Variants in PCDH15 observed in about 807,000 individuals in gnomAD.
The protein encoded by PCDH15 is protocadherin-15.
PCDH15 carries 129 observed loss-of-function variants against 178.5 expected under a neutral mutation model. The ratio of observed to expected loss-of-function variants is 0.72; its 90% CI spans 0.63 to 0.84. The LOEUF is 0.84. Ranked by LOEUF, PCDH15 falls within the 40% of genes least tolerant of loss-of-function variation. The probability of loss-of-function intolerance (pLI) is 0.00; values close to 1 mark genes in which losing one functional copy is unlikely to be tolerated. For missense variants in PCDH15, 2,230 were observed against 2,099.9 expected, an observed-to-expected ratio of 1.06 and a Z score of -1.21; for synonymous variants, 800 against 732.0, an observed-to-expected ratio of 1.09 and a Z score of -1.50.
intron 3 of PCDH15, among the ~76,000 whole-genome samples, chr10:54,472,339 G>A (rs946199557): frequency 2.6e-5 from 4 of 151,710 alleles, no homozygotes; most frequent in Non-Finnish European, 4.4e-5. Context: ...TTAGTCAGTG[G>A]GAATTAGGTT....
intron 2 of PCDH15, among the ~76,000 whole-genome samples, chr10:54,901,988 A>G (rs1447264113): frequency 2.9e-5 from 2 of 69,018 alleles, no homozygotes; most frequent in African/African-American, 1.3e-4. Context: ...ATTCATATTG[A>G]TACATTCCAT....
At chr10:54,626,852 C>A (rs865838869) in intron 2 of PCDH15, among the ~76,000 whole-genome samples, 1 of 152,134 alleles carries the variant, frequency 6.6e-6, no homozygotes, top group African/African-American at 2.4e-5. Context: ...CAATACCAGC[C>A]CATGAAAGCA....
At chr10:53,827,075 CATTATATATAT>C (rs1310956959) in intron 32 of PCDH15, among the ~76,000 whole-genome samples, 4 of 151,408 alleles carry the variant, frequency 2.6e-5, no homozygotes, top group Non-Finnish European at 2.9e-5. Flanking sequence ...TATACATATA[CATTATATATAT>C]GTAAAAATGC....
intron 2 of PCDH15, among the ~76,000 whole-genome samples, chr10:55,052,281 G>C (rs1338436405): frequency 6.6e-6 from 1 of 151,224 alleles, no homozygotes; most frequent in African/African-American, 2.4e-5. Flanking sequence ...TAGTAGAGAC[G>C]GGATTTCACC....
intron 2 of PCDH15, among the ~76,000 whole-genome samples, chr10:54,652,699 G>A (rs2094289891): frequency 6.6e-6 from 1 of 152,150 alleles, no homozygotes; most frequent in African/African-American, 2.4e-5. Flanking sequence ...AATGTGAAGA[G>A]GCAGCAAGAG....
At chr10:54,166,623 C>T (rs1590903091) in intron 13 of PCDH15, among the ~76,000 whole-genome samples, 1 of 152,168 alleles carries the variant, frequency 6.6e-6, no homozygotes, top group East Asian at 1.9e-4. Flanking sequence ...TGAAATATCT[C>T]AATACCCAAC....
chr10:55,079,020 T>G (rs1383124367), intron 2 of PCDH15, among the ~76,000 whole-genome samples: 1 of 152,162 alleles, frequency 6.6e-6, no homozygotes, highest in Non-Finnish European at 1.5e-5. Flanking sequence ...TTCTTTGTAT[T>G]GTTTTTCAGA....
At chr10:54,754,536 A>G (rs1425312670) in intron 1 of PCDH15, among the ~76,000 whole-genome samples, 7 of 152,190 alleles carry the variant, frequency 4.6e-5, no homozygotes, top group Admixed American at 4.6e-4. Flanking sequence ...TTTTTGTATC[A>G]ATTTTTGATT....
At chr10:54,084,307 A>G (rs766248132) in intron 16 of PCDH15, among the ~76,000 whole-genome samples, 5 of 151,438 alleles carry the variant, frequency 3.3e-5, no homozygotes, top group African/African-American at 1.2e-4. Flanking sequence ...CCCCATCTCT[A>G]CTAAAAATAC....
chr10:54,240,165 C>A (rs1227161642), intron 8 of PCDH15, among the ~76,000 whole-genome samples: 3 of 151,890 alleles, frequency 2.0e-5, no homozygotes, highest in African/African-American at 7.3e-5. Context: ...TTCATATAAG[C>A]AAGAACAACC....
intron 2 of PCDH15, among the ~76,000 whole-genome samples, chr10:54,933,785 T>C (rs1001800262): frequency 2.6e-5 from 4 of 152,288 alleles, no homozygotes; most frequent in Middle Eastern, 3.4e-3. Context: ...AAAACTGCTA[T>C]TATACTGTGG....
chr10:54,345,280 AATAG>A (rs1943054218), intron 6 of PCDH15, among the ~76,000 whole-genome samples: 1 of 152,102 alleles, frequency 6.6e-6, no homozygotes, highest in Non-Finnish European at 1.5e-5. Context: ...CTACTATCCC[AATAG>A]AGTTTTTTGT....
chr10:54,291,963 T>G (rs2059442234), intron 8 of PCDH15, among the ~76,000 whole-genome samples: 1 of 152,168 alleles, frequency 6.6e-6, no homozygotes, highest in South Asian at 2.1e-4. Context: ...CCTCCCTAAC[T>G]CATTTTACGA....
intron 15 of PCDH15, among the ~76,000 whole-genome samples, chr10:54,122,211 A>G (rs968756287): frequency 3.9e-5 from 6 of 152,064 alleles, no homozygotes; most frequent in Admixed American, 2.6e-4. Flanking sequence ...TCATATTTCA[A>G]CATATACAAA....
chr10:54,637,043 C>T (rs1245851886), intron 2 of PCDH15, among the ~76,000 whole-genome samples: 1 of 149,892 alleles, frequency 6.7e-6, no homozygotes, highest in Non-Finnish European at 1.5e-5. Flanking sequence ...CTTTTTTGAG[C>T]TAAAATTTTC....
At chr10:54,324,249 T>C (rs907518035) in intron 7 of PCDH15, among the ~76,000 whole-genome samples, 2 of 152,108 alleles carry the variant, frequency 1.3e-5, no homozygotes, top group Non-Finnish European at 2.9e-5. Context: ...TACAAACACA[T>C]ATGTTTGCAA....
intron 3 of PCDH15, among the ~76,000 whole-genome samples, chr10:54,433,028 T>C (rs1266579505): frequency 3.3e-5 from 5 of 152,000 alleles, no homozygotes; most frequent in Admixed American, 6.6e-5. Flanking sequence ...AGATATCATC[T>C]TACACCAGTT....
intron 3 of PCDH15, among the ~76,000 whole-genome samples, chr10:54,498,226 T>C (rs1290714540): frequency 6.6e-6 from 1 of 152,084 alleles, no homozygotes; most frequent in Non-Finnish European, 1.5e-5. Context: ...AAGTGAAGGA[T>C]GAATAAAATC....
At chr10:53,853,465 C>A (rs2078525646) in intron 28 of PCDH15, among the ~76,000 whole-genome samples, 1 of 152,058 alleles carries the variant, frequency 6.6e-6, no homozygotes, top group African/African-American at 2.4e-5. Flanking sequence ...GTGACACAAT[C>A]ATCAGGGTGA....
Sources: gnomAD v4.1 joint callset for allele counts (sites outside exome capture counted in the v4.1 genomes callset) on GRCh38, gnomAD v4.1.1 for gene constraint, MANE v1.5 for transcripts, NCBI Gene and HGNC (gene_info 2026-07-23, HGNC 2026-07-21) for gene names.